The following ABLIM1 variants were observed in gnomAD, a reference collection of about 807,000 sequenced individuals.
ABLIM1 encodes the protein actin binding LIM protein 1.
Under a neutral mutation model 107.0 loss-of-function variants are expected in ABLIM1, and 40 were observed. The ratio of observed to expected loss-of-function variants is 0.37; its 90% CI spans 0.29 to 0.49. The LOEUF is 0.49. Among genes scored for constraint, ABLIM1 ranks in the 20% least tolerant of loss-of-function variants. The probability of loss-of-function intolerance (pLI) is 0.97; values close to 1 mark genes in which losing one functional copy is unlikely to be tolerated. For missense variants in ABLIM1, 857 were observed against 1,008.5 expected, an observed-to-expected ratio of 0.85 and a Z score of 2.04; for synonymous variants, 357 against 357.3, an observed-to-expected ratio of 1.00 and a Z score of 0.01.
intron 20 of ABLIM1, 130 bp downstream of exon 20, chr10:114,439,952 A>G (rs2059961394): frequency 6.7e-7 from 1 of 1,487,078 alleles, no homozygotes; most frequent in African/African-American, 1.4e-5. Flanking sequence ...GCTATAGAGT[A>G]ATGACTAGAG....
At chr10:114,757,169 T>C (rs2082648526) in intron 1 of ABLIM1, among the ~76,000 whole-genome samples, 1 of 152,166 alleles carries the variant, frequency 6.6e-6, no homozygotes, top group Admixed American at 6.5e-5. Context: ...TGAGAAACCA[T>C]AAATAATTAA....
chr10:114,667,486 A>C (rs1411849978), intron 1 of ABLIM1, among the ~76,000 whole-genome samples: 1 of 152,170 alleles, frequency 6.6e-6, no homozygotes, highest in African/African-American at 2.4e-5. Context: ...TTACTCTACA[A>C]TTTTTCCCCT....
At chr10:114,796,177 T>C in the ABLIM1 span, among the ~76,000 whole-genome samples, 1 of 152,188 alleles carries the variant, frequency 6.6e-6, no homozygotes, top group African/African-American at 2.4e-5. Flanking sequence ...CTTAACAAAT[T>C]ACCCCAAGCA....
At chr10:114,799,668 G>A in the ABLIM1 span, among the ~76,000 whole-genome samples, 26 of 152,268 alleles carry the variant, frequency 1.7e-4, no homozygotes, top group South Asian at 6.2e-4. Flanking sequence ...TCCTCCACTA[G>A]TCAAGCCACC....
chr10:114,646,712 G>T (rs2079026199), intron 1 of ABLIM1, among the ~76,000 whole-genome samples: 1 of 152,132 alleles, frequency 6.6e-6, no homozygotes. Flanking sequence ...GGTTGGCTGG[G>T]CTCAACATCT....
intron 4 of ABLIM1, among the ~76,000 whole-genome samples, chr10:114,567,729 G>A (rs1256582494): frequency 6.6e-6 from 1 of 152,150 alleles, no homozygotes; most frequent in African/African-American, 2.4e-5. Context: ...CTCCTATTTA[G>A]AGATGATGGG....
chr10:114,611,285 G>A (rs1379301166), intron 1 of ABLIM1, among the ~76,000 whole-genome samples: 1 of 152,104 alleles, frequency 6.6e-6, no homozygotes, highest in Non-Finnish European at 1.5e-5. Flanking sequence ...TGGCCAACAT[G>A]GCAAAACCCC....
At chr10:114,578,785 C>CTTTTTTTTTTTTTTTT (rs35420465) in intron 2 of ABLIM1, among the ~76,000 whole-genome samples, 1 of 111,720 alleles carries the variant, frequency 9.0e-6, no homozygotes, top group Non-Finnish European at 1.7e-5. Flanking sequence ...TCTTTCTTTT[C>CTTTTTTTTTTTTTTTT]TTTTTTTTTT....
At chr10:114,781,442 T>C in the ABLIM1 span, among the ~76,000 whole-genome samples, 1 of 151,390 alleles carries the variant, frequency 6.6e-6, no homozygotes, top group African/African-American at 2.4e-5. Context: ...AGGTGGAGGT[T>C]GCAGTGAGCC....
In ABLIM1 at chr10:114,439,206, T is replaced by A; in HGVS notation, c.2112A>T (p.Gly704=). ...GTTCCAACATGTTGGGCATAGACAC[T>A]CCTCGGTCCATTCTCATTGCAGGCA... ...GHMPAMRMDR[G]VSMPNMLEPK... Residue 704 remains glycine (G), a synonymous_variant, in exon 21 of 23, where the codon GGA becomes GGT. Transcript: ENST00000533213. 6.2e-7 allele frequency: 1 copy of A among 1,614,206 alleles called. No homozygotes were observed. The highest frequency in any genetic ancestry group is 1.1e-5 in the South Asian group (1 of 91,078).
chr10:114,581,585 G>A (rs963828195), intron 2 of ABLIM1, among the ~76,000 whole-genome samples: 1 of 152,124 alleles, frequency 6.6e-6, no homozygotes, highest in African/African-American at 2.4e-5. Flanking sequence ...TAAGAGAGAG[G>A]GGGATGCTAA....
chr10:114,449,369 G>A (rs552492781), intron 14 of ABLIM1, among the ~76,000 whole-genome samples: 1 of 152,298 alleles, frequency 6.6e-6, no homozygotes, highest in South Asian at 2.1e-4. Flanking sequence ...TCAGCTCTAA[G>A]TCCTCCATTT....
chr10:114,485,412 A>G, intron 8 of ABLIM1: 1 of 1,569,840 alleles, frequency 6.4e-7, no homozygotes, highest in East Asian at 2.3e-5. Flanking sequence ...GGGAAGAACG[A>G]ACACAGAAAT....
chr10:114,608,921 A>G (rs1044545744), intron 1 of ABLIM1, among the ~76,000 whole-genome samples: 15 of 151,938 alleles, frequency 9.9e-5, no homozygotes, highest in Non-Finnish European at 1.9e-4. Context: ...AGGCTGAGAC[A>G]GGAGAATCGC....
intron 13 of ABLIM1, among the ~76,000 whole-genome samples, chr10:114,451,940 C>T (rs1229921733): frequency 1.3e-5 from 2 of 152,218 alleles, no homozygotes; most frequent in East Asian, 3.9e-4. Flanking sequence ...CAAATACACA[C>T]TTCATTGAAA....
At chr10:114,495,128 G>C (rs1008385645) in intron 6 of ABLIM1, among the ~76,000 whole-genome samples, 5 of 152,132 alleles carry the variant, frequency 3.3e-5, no homozygotes, top group African/African-American at 1.2e-4. Context: ...TGGAGCAAGA[G>C]GTGAGAGTCA....
At chr10:114,755,567 C>T (rs964295488) in intron 1 of ABLIM1, among the ~76,000 whole-genome samples, 4 of 152,188 alleles carry the variant, frequency 2.6e-5, no homozygotes, top group African/African-American at 7.2e-5. Context: ...AAGCTCTACG[C>T]GTTTGTGGCA....
intron 1 of ABLIM1, among the ~76,000 whole-genome samples, chr10:114,709,093 G>T (rs1238218400): frequency 6.6e-6 from 1 of 152,182 alleles, no homozygotes; most frequent in Non-Finnish European, 1.5e-5. Context: ...GCATAGTTAA[G>T]TTACTGCTAG....
At chr10:114,744,214 G>A (rs2082340095) in intron 1 of ABLIM1, among the ~76,000 whole-genome samples, 1 of 152,154 alleles carries the variant, frequency 6.6e-6, no homozygotes, top group Non-Finnish European at 1.5e-5. Flanking sequence ...AGTTAGATTG[G>A]ATTCAAGTAC....
Sources: gnomAD v4.1 joint callset for allele counts (sites outside exome capture counted in the v4.1 genomes callset) on GRCh38, gnomAD v4.1.1 for gene constraint, MANE v1.5 for transcripts, NCBI Gene and HGNC (gene_info 2026-07-23, HGNC 2026-07-21) for gene names.